CNGB3: variants seen among roughly 807,000 people sequenced by gnomAD.
The protein encoded by CNGB3 is cyclic nucleotide gated channel subunit beta 3.
Under a neutral mutation model 92.8 loss-of-function variants are expected in CNGB3, and 86 were observed. That is an observed-to-expected ratio of 0.93 (90% CI 0.78 to 1.11). CNGB3 has a LOEUF of 1.11. CNGB3 is among the 50% of genes least tolerant of loss of function. The probability of loss-of-function intolerance (pLI) is 0.00; values close to 1 mark genes in which losing one functional copy is unlikely to be tolerated. For synonymous variants in CNGB3, 333 were observed against 332.7 expected, an observed-to-expected ratio of 1.00 and a Z score of -0.01; for missense variants, 1,026 against 956.8, an observed-to-expected ratio of 1.07 and a Z score of -0.95.
chr8:86,588,868 G>A (rs1413518702), intron 15 of CNGB3, among the ~76,000 whole-genome samples: 6 of 151,860 alleles, frequency 4.0e-5, no homozygotes, highest in Non-Finnish European at 5.9e-5. Flanking sequence ...GAGTTAGAGA[G>A]GATTCCCTCT....
intron 3 of CNGB3, among the ~76,000 whole-genome samples, chr8:86,709,852 G>T (rs1404497710): frequency 2.0e-5 from 3 of 151,986 alleles, no homozygotes; most frequent in Admixed American, 6.6e-5. Flanking sequence ...ATTTCCATCA[G>T]AAATTTAAAA....
intron 13 of CNGB3, among the ~76,000 whole-genome samples, chr8:86,623,601 A>G (rs1024831669): frequency 7.9e-5 from 12 of 152,108 alleles, no homozygotes; most frequent in Admixed American, 7.9e-4. Context: ...TCAAGACTCA[A>G]TCACTTCCCA....
intron 15 of CNGB3, among the ~76,000 whole-genome samples, chr8:86,591,654 G>A (rs1227919040): frequency 6.6e-6 from 1 of 152,228 alleles, no homozygotes; most frequent in Non-Finnish European, 1.5e-5. Context: ...GGCTGCTCAG[G>A]GGTCAGGGGT....
chr8:86,610,436 C>T (rs1822496602), intron 14 of CNGB3, among the ~76,000 whole-genome samples: 1 of 148,848 alleles, frequency 6.7e-6, no homozygotes, highest in Non-Finnish European at 1.5e-5. Flanking sequence ...CTTTCCTCTA[C>T]CCAGAACACC....
chr8:86,663,411 T>G (rs1823683457), intron 6 of CNGB3, among the ~76,000 whole-genome samples: 1 of 152,228 alleles, frequency 6.6e-6, no homozygotes, highest in Non-Finnish European at 1.5e-5. Flanking sequence ...GCACCACTTT[T>G]AGGAGCAAGA....
At chr8:86,643,430 C>T (rs1027056914) in intron 10 of CNGB3, among the ~76,000 whole-genome samples, 1 of 151,352 alleles carries the variant, frequency 6.6e-6, no homozygotes, top group African/African-American at 2.4e-5. Flanking sequence ...GCGCTCCTCT[C>T]CCCACCACTC....
chr8:86,620,180 G>A (rs1822696971), intron 13 of CNGB3, among the ~76,000 whole-genome samples: 1 of 152,200 alleles, frequency 6.6e-6, no homozygotes, highest in African/African-American at 2.4e-5. Flanking sequence ...ACCTCAGTCA[G>A]GTAAGTTGTT....
chr8:86,740,572 G>C (rs994835082), intron 1 of CNGB3, among the ~76,000 whole-genome samples: 1 of 152,202 alleles, frequency 6.6e-6, no homozygotes, highest in African/African-American at 2.4e-5. Context: ...AGTAGGAGTG[G>C]TTGGATGGGA....
intron 15 of CNGB3, among the ~76,000 whole-genome samples, chr8:86,600,174 T>C (rs1349015945): frequency 1.3e-5 from 2 of 152,222 alleles, no homozygotes; most frequent in Non-Finnish European, 2.9e-5. Context: ...AAATAACCTC[T>C]AGTAATTGCC....
chr8:86,709,148 C>G (rs1160247672), intron 3 of CNGB3, among the ~76,000 whole-genome samples: 1 of 152,132 alleles, frequency 6.6e-6, no homozygotes, highest in Non-Finnish European at 1.5e-5. Context: ...GTGTCTATGA[C>G]TAGGCTAGAG....
At chr8:86,688,865 C>T (rs968615286) in intron 3 of CNGB3, among the ~76,000 whole-genome samples, 1 of 151,636 alleles carries the variant, frequency 6.6e-6, no homozygotes, top group African/African-American at 2.4e-5. Context: ...TCTCTTGCTT[C>T]TCTTGTTCTT....
At chr8:86,665,297 G>A (rs1223933387) in intron 6 of CNGB3, among the ~76,000 whole-genome samples, 1 of 152,132 alleles carries the variant, frequency 6.6e-6, no homozygotes, top group East Asian at 1.9e-4. Flanking sequence ...AGAGAAAAGG[G>A]AGCACTTATA....
At chr8:86,604,733 T>C (rs1439350348) in intron 14 of CNGB3, among the ~76,000 whole-genome samples, 2 of 152,172 alleles carry the variant, frequency 1.3e-5, no homozygotes, top group Non-Finnish European at 2.9e-5. Flanking sequence ...CAGCAGGTTG[T>C]TTTACTCAGT....
intron 7 of CNGB3, among the ~76,000 whole-genome samples, chr8:86,653,323 C>T (rs1348846317): frequency 2.6e-5 from 4 of 151,224 alleles, no homozygotes; most frequent in East Asian, 1.9e-4. Context: ...GAAAATTAGT[C>T]GGAGATTAAA....
At chr8:86,626,762 A>C (rs1436839423) in intron 12 of CNGB3, among the ~76,000 whole-genome samples, 1 of 152,222 alleles carries the variant, frequency 6.6e-6, no homozygotes, top group Non-Finnish European at 1.5e-5. Flanking sequence ...TGAATACATT[A>C]CAGATTTTTC....
At chr8:86,662,537 G>A (rs1375806210) in intron 6 of CNGB3, among the ~76,000 whole-genome samples, 2 of 152,190 alleles carry the variant, frequency 1.3e-5, no homozygotes, top group African/African-American at 4.8e-5. Flanking sequence ...CCTGAGCTAG[G>A]TGTCTTATTC....
At chr8:86,660,313 T>C (rs1585999507) in intron 6 of CNGB3, 1 of 341,816 alleles carries the variant, frequency 2.9e-6, no homozygotes, top group Non-Finnish European at 5.7e-6. Context: ...GGAGGTGGGG[T>C]TGGGGCCATA....
rs908264089 is a variant in CNGB3 at position 86,575,005 on chromosome 8, A to T, written c.*799T>A. 2 of 152,224 alleles carry T rather than the reference A, an allele frequency of 1.3e-5. No homozygotes were observed. The highest frequency in any genetic ancestry group is 2.9e-5 in the Non-Finnish European group (2 of 68,036). 9.4% of individuals were successfully genotyped at this position (152,224 alleles called of 1,614,324 possible). A position where few individuals can be genotyped will look rare whatever the true frequency, so the allele number is the denominator to read the frequency against. ...CAGCAAGTGCTTGAGGAAGATTCTG[A>T]TAAGTGTCACTTTAGCCTGTATCCT... is the stretch of plus-strand genomic sequence containing the variant. On this transcript the variant is annotated 3_prime_UTR_variant, in exon 18 of 18. Coordinates refer to ENST00000320005, the MANE Select transcript of CNGB3 (RefSeq NM_019098.5).
chr8:86,653,896 C>A, intron 7 of CNGB3, 116 bp downstream of exon 7: 1 of 759,504 alleles, frequency 1.3e-6, no homozygotes, highest in South Asian at 1.5e-5. Context: ...TCAGGCTTAT[C>A]ATTGTCTAAT....
Sources: allele counts gnomAD v4.1 joint callset (sites outside exome capture counted in the v4.1 genomes callset), GRCh38; gene constraint gnomAD v4.1.1; transcripts MANE v1.5; gene names NCBI Gene and HGNC (gene_info 2026-07-23, HGNC 2026-07-21).